SEMA5B: variants seen among roughly 807,000 people sequenced by gnomAD.
The protein encoded by SEMA5B is semaphorin 5B.
SEMA5B carries 66 observed loss-of-function variants against 135.0 expected under a neutral mutation model. The ratio of observed to expected loss-of-function variants is 0.49; its 90% confidence interval spans 0.40 to 0.60. SEMA5B has a LOEUF of 0.60. SEMA5B is among the 20% of genes least tolerant of loss of function. SEMA5B has a pLI of 0.00. For missense variants in SEMA5B, 1,501 were observed against 1,566.3 expected, an observed-to-expected ratio of 0.96 and a Z score of 0.70; for synonymous variants, 690 against 639.5, an observed-to-expected ratio of 1.08 and a Z score of -1.19.
In SEMA5B at chr3:122,928,534, T is replaced by G; in HGVS notation, c.619A>C (p.Met207Leu). 1 of 1,563,090 alleles carries G rather than the reference T, an allele frequency of 6.4e-7. No homozygotes were observed. Among genetic ancestry groups the G allele is most frequent in the Non-Finnish European group, 8.7e-7 (1 of 1,153,412 alleles). The change falls in exon 7 of 23, where the codon ATG becomes CTG. Residue 207 changes from methionine (M) to leucine (L), a missense_variant. Met to Leu is a conservative substitution (Grantham distance 15, BLOSUM62 2). This residue lies in a region of SEMA5B where 574 missense variants were observed against 684.7 expected (regional missense o/e 0.84). Transcript: ENST00000357599. The part of the protein sequence containing the change: ...FMCGTNAFSP[M>L]CTSRQVGNLS... ...GTGCCCACCTGTCTGCTGGTGCACA[T>G]GGGGGAAAAGGCATTGGTTCCACAC...
Position 122,911,536 on chromosome 3 carries a change from C to T in SEMA5B, c.3047-1G>A, listed in dbSNP as rs776634061. 1.1e-5 allele frequency: 17 copies of T among 1,609,568 alleles called. No homozygotes were observed. Among genetic ancestry groups the T allele is most frequent in the Admixed American group, 1.7e-5 (1 of 59,776 alleles). On this transcript the variant is annotated splice_acceptor_variant, in intron 20 of 22. Coordinates refer to ENST00000357599, the MANE Select transcript of SEMA5B (RefSeq NM_001031702.4). LOFTEE classifies it high-confidence loss of function. The stretch of plus-strand genomic sequence containing the variant: ...TCCATGCTGGAGGCTGGCAGGATGA[C>T]TGCAGGAAGACCAGTGGACAGGGTG...
At chr3:122,924,412 C>A (rs763401513) in intron 9 of SEMA5B, among the ~76,000 whole-genome samples, 17 of 152,200 alleles carry the variant, frequency 1.1e-4, no homozygotes, top group Non-Finnish European at 2.4e-4. Context: ...TTTCAGCCCC[C>A]CTCTAGTCCC....
At chr3:122,986,522 C>T (rs1462929742) in intron 1 of SEMA5B, among the ~76,000 whole-genome samples, 3 of 152,108 alleles carry the variant, frequency 2.0e-5, no homozygotes, top group African/African-American at 7.2e-5. Context: ...AGATAAGTCA[C>T]TCCTGTTGCT....
intron 1 of SEMA5B, among the ~76,000 whole-genome samples, chr3:122,992,527 G>A (rs1277300735): frequency 1.3e-5 from 2 of 152,150 alleles, no homozygotes; most frequent in African/African-American, 4.8e-5. Flanking sequence ...ACCAGGAGAG[G>A]GAAGCAGTAG....
intron 1 of SEMA5B, among the ~76,000 whole-genome samples, chr3:122,964,405 C>A (rs937136268): frequency 6.6e-6 from 1 of 152,196 alleles, no homozygotes; most frequent in Admixed American, 6.5e-5. Flanking sequence ...GCTCTACTTT[C>A]CACCAGCTAA....
chr3:122,944,198 T>A (rs892370917), intron 3 of SEMA5B, among the ~76,000 whole-genome samples: 79 of 152,274 alleles, frequency 5.2e-4, no homozygotes, highest in African/African-American at 1.7e-3. Context: ...AGAATGATGC[T>A]TCACCTTTTA....
In SEMA5B at chr3:122,911,586, G is replaced by A. The variant is rs768381272; in HGVS notation, c.3047-51C>T. On this transcript the variant is annotated intron_variant, in intron 20 of 22. Transcript: ENST00000357599. ...GTCAGGGGCGGAGACGAGAGGAGGG[G>A]GGCCCTGCAGGGTAGGCGTAAGCCT... is the stretch of plus-strand genomic sequence containing the variant. 3.2e-6 allele frequency: 5 copies of A among 1,563,520 alleles called. No homozygotes were observed. The Admixed American group carries it at 7.0e-5, about 22-fold the overall frequency.
chr3:122,973,024 G>T (rs1941186373), intron 1 of SEMA5B, among the ~76,000 whole-genome samples: 1 of 152,204 alleles, frequency 6.6e-6, no homozygotes, highest in African/African-American at 2.4e-5. Context: ...AACCCCTACA[G>T]ATTAATGACA....
intron 12 of SEMA5B, among the ~76,000 whole-genome samples, chr3:122,918,363 C>G (rs761193652): frequency 6.6e-6 from 1 of 152,152 alleles, no homozygotes; most frequent in Non-Finnish European, 1.5e-5. Flanking sequence ...CTTTAAAAAG[C>G]GTAAGCAAAC....
intron 14 of SEMA5B, 64 bp from the exon 15 acceptor site, chr3:122,914,065 T>G: frequency 6.7e-7 from 1 of 1,483,556 alleles, no homozygotes; most frequent in Non-Finnish European, 9.0e-7. Flanking sequence ...AGATCTAGTC[T>G]GTCTCTGGGC....
At chr3:122,946,158 T>G (rs1490619425) in intron 3 of SEMA5B, among the ~76,000 whole-genome samples, 1 of 152,248 alleles carries the variant, frequency 6.6e-6, no homozygotes, top group East Asian at 1.9e-4. Flanking sequence ...TTACCCACCT[T>G]GTGGATTAAC....
chr3:122,975,345 C>T (rs1340726061), intron 1 of SEMA5B: 1 of 152,626 alleles, frequency 6.6e-6, no homozygotes, highest in African/African-American at 2.4e-5. Flanking sequence ...GACGATGAGC[C>T]CCTGAGCCAG....
At chr3:122,914,258 C>T (rs1218994015) in intron 14 of SEMA5B, among the ~76,000 whole-genome samples, 1 of 152,234 alleles carries the variant, frequency 6.6e-6, no homozygotes, top group Admixed American at 6.5e-5. Flanking sequence ...AGAGGTAGGA[C>T]ATGGCCCCAT....
chr3:122,974,568 C>A (rs1941245963), intron 1 of SEMA5B, among the ~76,000 whole-genome samples: 1 of 152,142 alleles, frequency 6.6e-6, no homozygotes. Context: ...TGCCTGAGGA[C>A]TTCTCAGGTG....
At chr3:122,972,883 A>G (rs1243080058) in intron 1 of SEMA5B, among the ~76,000 whole-genome samples, 1 of 152,156 alleles carries the variant, frequency 6.6e-6, no homozygotes, top group African/African-American at 2.4e-5. Context: ...AAGTTAGCCC[A>G]GGTCTGCCTT....
chr3:122,940,547 G>A (rs572235676), intron 4 of SEMA5B, among the ~76,000 whole-genome samples: 3 of 152,294 alleles, frequency 2.0e-5, no homozygotes. Context: ...AAACTTTTTA[G>A]GAACAAAGAT....
Position 122,915,485 on chromosome 3 carries a change from C to T in SEMA5B, c.1943G>A (p.Gly648Asp), listed in dbSNP as rs775180135. 7 of 1,613,512 alleles carry T rather than the reference C, an allele frequency of 4.3e-6. No homozygotes were observed. The highest frequency in any genetic ancestry group is 3.3e-5 in the Admixed American group (2 of 59,966). Residue 648 changes from glycine (G) to aspartate (D), a missense_variant, in exon 14 of 23, where the codon GGC (glycine) becomes GAC (aspartate). By Grantham distance (94) the Gly-to-Asp change is moderately conservative. Around this residue, in one of 2 missense-constraint regions of SEMA5B, gnomAD observed 927 missense variants for 881.6 expected, o/e 1.05. Coordinates refer to ENST00000357599, the MANE Select transcript of SEMA5B (RefSeq NM_001031702.4). ...GATGGCTGGCCCCAGGCAGTCAAGG[C>T]CCCCACAGCGGGGTCGAGGGGAATC... Reference protein sequence around the residue: ...SCDSPRPRCGGLDCLGPAIHI... With the variant: ...SCDSPRPRCGDLDCLGPAIHI...
rs1323932596 is a variant in SEMA5B at position 122,913,348 on chromosome 3, T to C, written c.2357A>G (p.Asn786Ser). The change falls in exon 17 of 23, where the codon AAC becomes AGC. Residue 786 changes from asparagine (N) to serine (S), a missense_variant. Transcript: ENST00000357599. ...CTGCCGTGCCCCGCCCTGCGTCACG[T>C]TCACGGGCAGCCACGGCGTCCAGGG... ...NTPWTPWLPV[N>S]VTQGGARQEQ... is the part of the protein sequence containing the mutation. The C allele has an allele frequency of 1.3e-6, 2 of 1,581,236 alleles. No individual in the cohort carries two copies. Among genetic ancestry groups the C allele is most frequent in the East Asian group, 2.3e-5 (1 of 44,052 alleles).
chr3:122,935,686 C>CTTTTTTTTTTTTTTTTTTTTT (rs147968317), intron 5 of SEMA5B, among the ~76,000 whole-genome samples: 70 of 70,260 alleles, frequency 1.0e-3, no homozygotes, highest in East Asian at 1.6e-3. Flanking sequence ...TTCTTTCTTT[C>CTTTTTTTTTTTTTTTTTTTTT]TTTTTTTTTT....
Sources: allele counts gnomAD v4.1 joint callset (sites outside exome capture counted in the v4.1 genomes callset), GRCh38; gene constraint gnomAD v4.1.1; regional missense constraint gnomAD v4.1.1; transcripts MANE v1.5; gene names NCBI Gene and HGNC (gene_info 2026-07-23, HGNC 2026-07-21).